Variants in DNAJC3 observed in about 807,000 individuals in gnomAD.
DNAJC3 encodes DnaJ heat shock protein family (Hsp40) member C3.
A neutral mutation model predicts 68.6 loss-of-function variants in DNAJC3; 38 were observed. The ratio of observed to expected loss-of-function variants is 0.55; its 90% CI spans 0.43 to 0.73. The LOEUF (loss-of-function observed/expected upper bound fraction) is 0.73. DNAJC3 is among the 30% of genes least tolerant of loss of function. The pLI, the probability that DNAJC3 is intolerant of heterozygous loss-of-function variation, is 0.00. For synonymous variants in DNAJC3, 203 were observed against 204.0 expected (o/e 1.00, Z 0.04); for missense variants, 526 against 591.9 (o/e 0.89, Z 1.16).
rs548545640 is a variant in DNAJC3, at chr13:95,794,457, G to A, written c.*3427G>A. On this transcript the variant is annotated 3_prime_UTR_variant, in exon 12 of 12. Transcript: ENST00000602402. ...AGAAGTTCACGCAACTTTGTTGAAT[G>A]TAGTTGACTTTTCCAAATTTATAAA... The A allele has an allele frequency of 6.6e-6, 1 of 152,370 alleles. No individual in the cohort carries two copies. Among genetic ancestry groups the A allele is most frequent in the Admixed American group, 6.5e-5 (1 of 15,306 alleles). 9.4% of individuals were successfully genotyped at this position (152,370 alleles called of 1,614,324 possible). A position where few individuals can be genotyped will look rare whatever the true frequency, so the allele number is the denominator to read the frequency against.
At chr13:95,786,480 T>C (rs1364269223) in intron 10 of DNAJC3, among the ~76,000 whole-genome samples, 3 of 152,182 alleles carry the variant, frequency 2.0e-5, no homozygotes, top group African/African-American at 7.2e-5. Flanking sequence ...AGATCTACCT[T>C]ATATAAAAGT....
Position 95,793,988 on chromosome 13 carries a change from C to T in DNAJC3, c.*2958C>T, listed in dbSNP as rs1378662921. The T allele has an allele frequency of 6.6e-6, 1 of 152,148 alleles. No individual in the cohort carries two copies. Among genetic ancestry groups the T allele is most frequent in the Non-Finnish European group, 1.5e-5 (1 of 68,034 alleles). 9.4% of individuals were successfully genotyped at this position (152,148 alleles called of 1,614,324 possible). On this transcript the variant is annotated 3_prime_UTR_variant, in exon 12 of 12. Transcript: ENST00000602402. Reference sequence around the variant, plus strand: ...GGGAGACAAAATTTAATTCATTCCTCAGTTCTGAAAGTTTGTGCTTTCTTA... The same window carrying T: ...GGGAGACAAAATTTAATTCATTCCTTAGTTCTGAAAGTTTGTGCTTTCTTA...
At chr13:95,784,952 T>G (rs1883554178) in intron 9 of DNAJC3, among the ~76,000 whole-genome samples, 1 of 151,998 alleles carries the variant, frequency 6.6e-6, no homozygotes, top group African/African-American at 2.4e-5. Flanking sequence ...TCTCTTAAAA[T>G]TTTTAAAAAA....
At chr13:95,690,623 C>T (rs1880207744) in intron 1 of DNAJC3, among the ~76,000 whole-genome samples, 3 of 149,296 alleles carry the variant, frequency 2.0e-5, no homozygotes, top group Admixed American at 2.0e-4. Flanking sequence ...GGCTGACCCC[C>T]CCACCTCCCT....
chr13:95,759,911 CTA>C (rs1882769379), intron 5 of DNAJC3, 127 bp from the exon 6 acceptor site: 1 of 884,776 alleles, frequency 1.1e-6, no homozygotes, highest in Non-Finnish European at 1.6e-6. Context: ...AATATTTGCA[CTA>C]TATAAGTCAT....
chr13:95,721,610 A>T (rs1005556876), intron 2 of DNAJC3, among the ~76,000 whole-genome samples: 2 of 149,008 alleles, frequency 1.3e-5, no homozygotes, highest in African/African-American at 4.9e-5. Flanking sequence ...AGCCATCCTA[A>T]TGGGTGTGAA....
chr13:95,708,304 G>A (rs991042442), intron 1 of DNAJC3, among the ~76,000 whole-genome samples: 10 of 152,168 alleles, frequency 6.6e-5, no homozygotes, highest in African/African-American at 1.4e-4. Context: ...AATTCAGAGC[G>A]GAGAGGCAAC....
At chr13:95,691,383 C>G (rs1362218434) in intron 1 of DNAJC3, among the ~76,000 whole-genome samples, 1 of 149,554 alleles carries the variant, frequency 6.7e-6, no homozygotes, top group Non-Finnish European at 1.5e-5. Flanking sequence ...TCAGACGGGG[C>G]GGCCGGGCAG....
chr13:95,695,293 C>T (rs1012197879), intron 1 of DNAJC3: 13 of 152,154 alleles, frequency 8.5e-5, no homozygotes, highest in African/African-American at 2.4e-4. Context: ...TCTAATAACT[C>T]TAGTATTATT....
chr13:95,732,877 G>C lies in DNAJC3; in HGVS notation c.393+7625G>C, dbSNP rs142499184. 4.6e-3 allele frequency among the ~76,000 whole-genome samples: 703 copies of C among 151,412 alleles called. 6 individuals are homozygous for C. The highest frequency in any genetic ancestry group is 4.7e-3 in the Non-Finnish European group (318 of 67,780). ...GTATGTTGTGTTTCCATTTTCATTT[G>C]TTTCAAAAAAATTTTTTTATTTCCA... On this transcript the variant is annotated intron_variant, in intron 4 of 11. Coordinates refer to ENST00000602402, the MANE Select transcript of DNAJC3 (RefSeq NM_006260.5).
intron 1 of DNAJC3, among the ~76,000 whole-genome samples, chr13:95,691,361 T>G (rs1478049990): frequency 7.8e-6 from 1 of 128,474 alleles, no homozygotes; most frequent in African/African-American, 3.1e-5. Flanking sequence ...AGGCAGAGGG[T>G]CTCCTCACTT....
intron 1 of DNAJC3, among the ~76,000 whole-genome samples, chr13:95,703,651 A>G (rs2139619432): frequency 6.6e-6 from 1 of 152,372 alleles, no homozygotes; most frequent in African/African-American, 2.4e-5. Flanking sequence ...AATCTAAATT[A>G]TGAAGATTGA....
At chr13:95,765,841 G>T (rs1021283392) in intron 9 of DNAJC3, among the ~76,000 whole-genome samples, 2 of 152,042 alleles carry the variant, frequency 1.3e-5, no homozygotes, top group Non-Finnish European at 2.9e-5. Context: ...CAAAGTGCTA[G>T]GATCAATTGG....
At chr13:95,779,212 C>T (rs1383895052) in intron 9 of DNAJC3, among the ~76,000 whole-genome samples, 4 of 150,324 alleles carry the variant, frequency 2.7e-5, no homozygotes, top group South Asian at 2.1e-4. Flanking sequence ...GCAAGCTCCG[C>T]CTCCCGGGTT....
intron 9 of DNAJC3, among the ~76,000 whole-genome samples, chr13:95,769,239 A>G (rs536263449): frequency 6.6e-6 from 1 of 152,322 alleles, no homozygotes; most frequent in East Asian, 1.9e-4. Context: ...CAGGCAGCCT[A>G]TGAGGGAGGT....
In DNAJC3 at chr13:95,731,891, C is replaced by T. The variant is rs562876128; in HGVS notation, c.393+6639C>T. Among the ~76,000 whole-genome samples, 14 of 149,858 alleles carry T rather than the reference C, an allele frequency of 9.3e-5. No homozygotes were observed. In the East Asian group the frequency reaches 1.4e-3, roughly 15 times the overall value. On this transcript the variant is annotated intron_variant, in intron 4 of 11. Transcript: ENST00000602402. ...CTGGGACCACAGGTGTGCATCACCACGCCTGGCTAATTTTTTTTTTTTTTT... is the reference window on the plus strand; with the variant it reads ...CTGGGACCACAGGTGTGCATCACCATGCCTGGCTAATTTTTTTTTTTTTTT...
intron 4 of DNAJC3, among the ~76,000 whole-genome samples, chr13:95,747,717 CTG>C (rs1236372281): frequency 2.6e-5 from 4 of 152,160 alleles, no homozygotes; most frequent in Non-Finnish European, 5.9e-5. Flanking sequence ...CTAAATGAGA[CTG>C]TTGCAGTAAA....
intron 4 of DNAJC3, among the ~76,000 whole-genome samples, chr13:95,752,598 G>C (rs542659709): frequency 1.3e-5 from 2 of 152,040 alleles, no homozygotes; most frequent in African/African-American, 4.8e-5. Flanking sequence ...AACTCCACTC[G>C]CGATTATATA....
chr13:95,688,150 G>C (rs1309887871), intron 1 of DNAJC3, among the ~76,000 whole-genome samples: 1 of 152,168 alleles, frequency 6.6e-6, no homozygotes, highest in East Asian at 1.9e-4. Flanking sequence ...CTTTACTGAA[G>C]TTGCTTATCA....
Sources: allele counts gnomAD v4.1 joint callset (sites outside exome capture counted in the v4.1 genomes callset), GRCh38; gene constraint gnomAD v4.1.1; transcripts MANE v1.5; gene names NCBI Gene and HGNC (gene_info 2026-07-23, HGNC 2026-07-21).